The following MEI4 variants were observed in gnomAD, a reference collection of about 807,000 sequenced individuals.
The protein encoded by MEI4 is meiotic double-stranded break formation protein 4.
MEI4 carries 27 observed loss-of-function variants against 31.4 expected under a neutral mutation model. The observed-to-expected ratio is 0.86, with a 90% CI of 0.63 to 1.19. The LOEUF (loss-of-function observed/expected upper bound fraction) is 1.19, where lower values mean the gene tolerates loss of function less well. Among genes scored for constraint, MEI4 ranks in the 50% most tolerant of loss-of-function variants. The probability of loss-of-function intolerance (pLI) is 0.00; values close to 1 mark genes in which losing one functional copy is unlikely to be tolerated. For synonymous variants in MEI4, 122 were observed against 145.4 expected, an observed-to-expected ratio of 0.84 and a Z score of 1.16; for missense variants, 329 against 398.9, an observed-to-expected ratio of 0.82 and a Z score of 1.49.
intron 4 of MEI4, among the ~76,000 whole-genome samples, chr6:77,869,054 G>C (rs879218288): frequency 6.6e-6 from 1 of 152,100 alleles, no homozygotes; most frequent in Non-Finnish European, 1.5e-5. Context: ...CACTCATTCA[G>C]TATTTATATA....
chr6:77,656,223 T>G (rs2504279), intron 1 of MEI4, among the ~76,000 whole-genome samples: 2,032 of 152,286 alleles, frequency 0.013, 48 homozygotes, highest in African/African-American at 0.046. Context: ...GAGAGAGAGA[T>G]ATGGCTTTCT....
chr6:77,843,334 G>C (rs1770409124), intron 4 of MEI4, among the ~76,000 whole-genome samples: 1 of 151,928 alleles, frequency 6.6e-6, no homozygotes, highest in Non-Finnish European at 1.5e-5. Context: ...AGAAAAGCCA[G>C]AAAGGATGCT....
chr6:77,753,801 C>T (rs939760087), intron 2 of MEI4, among the ~76,000 whole-genome samples: 7 of 152,208 alleles, frequency 4.6e-5, no homozygotes, highest in African/African-American at 1.2e-4. Context: ...CACATGCACA[C>T]GTATGTTTGT....
upstream of MEI4, among the ~76,000 whole-genome samples, chr6:77,652,901 T>C (rs148538413): frequency 1.0e-3 from 159 of 152,228 alleles, no homozygotes; most frequent in African/African-American, 3.6e-3. Flanking sequence ...ACAAAGAGTA[T>C]AGAATGTTAA....
rs1481721873 is a variant in MEI4 at position 77,872,655 on chromosome 6, C to G, written c.900+43593C>G. 2.7e-5 allele frequency among the ~76,000 whole-genome samples: 4 copies of G among 150,134 alleles called. No individual in the cohort carries two copies. The East Asian group carries it at 5.9e-4, about 22-fold the overall frequency. On this transcript the variant is annotated intron_variant, in intron 4 of 4. Transcript: ENST00000684080. Reference sequence around the variant, plus strand: ...GCAGGTTAGTTACATATGTATACATCTGCCATGCTGGTGTGCTGCACCCAT... The same window carrying G: ...GCAGGTTAGTTACATATGTATACATGTGCCATGCTGGTGTGCTGCACCCAT...
intron 3 of MEI4, among the ~76,000 whole-genome samples, chr6:77,818,346 C>G (rs1038453567): frequency 1.3e-5 from 2 of 151,830 alleles, no homozygotes; most frequent in Non-Finnish European, 2.9e-5. Context: ...AAAGTGTGTC[C>G]CATTAGAAGT....
At chr6:77,889,625 G>C (rs1358401194) in intron 4 of MEI4, among the ~76,000 whole-genome samples, 1 of 152,230 alleles carries the variant, frequency 6.6e-6, no homozygotes, top group Non-Finnish European at 1.5e-5. Flanking sequence ...ACAGAAGTTT[G>C]CATAAGTAGC....
At chr6:77,736,170 A>G (rs1408862397) in intron 2 of MEI4, among the ~76,000 whole-genome samples, 1 of 152,028 alleles carries the variant, frequency 6.6e-6, no homozygotes, top group Non-Finnish European at 1.5e-5. Context: ...ACCGGGTTCG[A>G]GCTTCCAGGC....
intron 4 of MEI4, among the ~76,000 whole-genome samples, chr6:77,833,221 A>G (rs1770127136): frequency 6.6e-6 from 1 of 151,186 alleles, no homozygotes; most frequent in Non-Finnish European, 1.5e-5. Context: ...GTGGTTTTCT[A>G]TTTACTTTAA....
intron 4 of MEI4, among the ~76,000 whole-genome samples, chr6:77,841,316 T>TATATATATATATAC (rs1554168556): frequency 2.3e-5 from 1 of 43,418 alleles, no homozygotes; most frequent in Admixed American, 2.6e-4. Context: ...AATGTGTGCA[T>TATATATATATATAC]ATATATATAT....
At chr6:77,748,128 A>G (rs200725234) in intron 2 of MEI4, among the ~76,000 whole-genome samples, 1 of 152,140 alleles carries the variant, frequency 6.6e-6, no homozygotes, top group Non-Finnish European at 1.5e-5. Flanking sequence ...TGGTGGATCT[A>G]CTATTCTGGG....
Position 77,913,819 on chromosome 6 carries a change from G to T in MEI4, c.901-9270G>T, listed in dbSNP as rs188820576. The stretch of plus-strand genomic sequence containing the variant: ...GGAGGCAAGGCAGGCAGATCACGAG[G>T]TCAGGAGATTGAGACCATCCTGGCT... On this transcript the variant is annotated intron_variant, in intron 4 of 4. Transcript: ENST00000684080. 5.7e-4 allele frequency among the ~76,000 whole-genome samples: 86 copies of T among 151,446 alleles called. 2 individuals are homozygous for T. The highest frequency in any genetic ancestry group is 1.4e-3 in the African/African-American group (59 of 41,348).
chr6:77,802,229 C>T (rs1052496784), intron 3 of MEI4, among the ~76,000 whole-genome samples: 1 of 152,098 alleles, frequency 6.6e-6, no homozygotes, highest in Non-Finnish European at 1.5e-5. Context: ...ATGTAATGGC[C>T]TTATTTGTCT....
At chr6:77,835,920 C>A (rs4706658) in intron 4 of MEI4, among the ~76,000 whole-genome samples, 20,208 of 151,782 alleles carry the variant, frequency 0.13, 1,599 homozygotes, top group East Asian at 0.4. Flanking sequence ...AGAAGGAGAG[C>A]TACCCAAATA....
chr6:77,920,303 G>C (rs1284515211), intron 4 of MEI4, among the ~76,000 whole-genome samples: 4 of 152,054 alleles, frequency 2.6e-5, no homozygotes, highest in Non-Finnish European at 5.9e-5. Context: ...TATCCACCAT[G>C]ATCAAGTGGG....
intron 2 of MEI4, among the ~76,000 whole-genome samples, chr6:77,732,672 G>C (rs1373813801): frequency 3.3e-5 from 5 of 152,184 alleles, no homozygotes; most frequent in Middle Eastern, 3.4e-3. Flanking sequence ...ATGTTGAATA[G>C]GAGTGGTGAG....
Position 77,923,439 on chromosome 6 carries a change from T to A in MEI4, c.*93T>A. On this transcript the variant is annotated 3_prime_UTR_variant, in exon 5 of 5. Coordinates refer to ENST00000684080, the MANE Select transcript of MEI4 (RefSeq NM_001322247.2). ...AAAAGATTTTCAATAGTATTTTAAT[T>A]AGCATTTTAGAATTGATCTCTAAAT... is the stretch of plus-strand genomic sequence containing the variant. 9.3e-6 allele frequency: 9 copies of A among 964,814 alleles called. No individual in the cohort carries two copies. The highest frequency in any genetic ancestry group is 1.2e-5 in the Non-Finnish European group (9 of 746,368). The allele number at this position is 964,814 out of a possible 1,614,324, so 59.8% of individuals were successfully genotyped here.
Position 77,853,935 on chromosome 6 carries a change from A to G in MEI4, c.900+24873A>G, listed in dbSNP as rs1770691070. ...TTTTGTTTAACAAAAAGTTAGTTCA[A>G]CATAATTCAACATTTTCTTGACAGT... On this transcript the variant is annotated intron_variant, in intron 4 of 4. Coordinates refer to ENST00000684080, the MANE Select transcript of MEI4 (RefSeq NM_001322247.2). Among the ~76,000 whole-genome samples the G allele has an allele frequency of 2.0e-5, 3 of 152,302 alleles. No individual in the cohort carries two copies. In the South Asian group the frequency reaches 6.2e-4, roughly 32 times the overall value.
intron 4 of MEI4, among the ~76,000 whole-genome samples, chr6:77,906,461 G>C (rs1405991179): frequency 6.6e-6 from 1 of 152,204 alleles, no homozygotes; most frequent in Non-Finnish European, 1.5e-5. Flanking sequence ...GATGAAGATT[G>C]CATGTATCCT....
Sources: gnomAD v4.1 joint callset for allele counts (sites outside exome capture counted in the v4.1 genomes callset) on GRCh38, gnomAD v4.1.1 for gene constraint, MANE v1.5 for transcripts, NCBI Gene and HGNC (gene_info 2026-07-23, HGNC 2026-07-21) for gene names.